The following DLGAP2 variants were observed in gnomAD, a reference collection of about 807,000 sequenced individuals.
DLGAP2 encodes the protein disks large-associated protein 2.
A neutral mutation model predicts 100.3 loss-of-function variants in DLGAP2; 26 were observed. That is an observed-to-expected ratio of 0.26 (90% CI 0.19 to 0.36). The LOEUF is 0.36. DLGAP2 is among the 10% of genes least tolerant of loss of function. DLGAP2 has a pLI of 1.00. For synonymous variants in DLGAP2, 886 were observed against 630.1 expected (o/e 1.41, Z -6.08); for missense variants, 1,858 against 1,453.2 (o/e 1.28, Z -4.53).
chr8:1,378,836 C>A (rs79779997), intron 3 of DLGAP2, among the ~76,000 whole-genome samples: 3,431 of 152,326 alleles, frequency 0.023, 67 homozygotes, highest in African/African-American at 0.047. Flanking sequence ...ATTCTCTTCT[C>A]TGAGGAGTCT....
chr8:1,093,208 AAAACACCTTCACACCAACAGCCAGACAG>A (rs1329448549), intron 2 of DLGAP2, among the ~76,000 whole-genome samples: 6 of 152,164 alleles, frequency 3.9e-5, no homozygotes, highest in African/African-American at 1.2e-4. Flanking sequence ...TCCCTTCTAA[AAAACACCTTCACACCAACAGCCAGACAG>A]AAACACCTTC....
At chr8:1,448,834 G>A (rs1798056799) in intron 3 of DLGAP2, among the ~76,000 whole-genome samples, 1 of 152,208 alleles carries the variant, frequency 6.6e-6, no homozygotes, top group Non-Finnish European at 1.5e-5. Context: ...GCCATGGAAA[G>A]ATTTGGAGAA....
rs535061393 is a variant in DLGAP2, at chr8:906,301, C to T, written c.19-1611C>T. On this transcript the variant is annotated intron_variant, in intron 1 of 14. Coordinates refer to ENST00000637795, the MANE Select transcript of DLGAP2 (RefSeq NM_001346810.2). ...TAGTTTAGGGAAGGATGTGGCGGAG[C>T]CTCCCTGTGGAAACGTGTGTCTCTG... 4.6e-5 allele frequency among the ~76,000 whole-genome samples: 7 copies of T among 152,330 alleles called. No homozygotes were observed. The South Asian group carries it at 1.5e-3, about 32-fold the overall frequency.
chr8:1,306,074 C>CAAAAAAAAAAAAAAAAAAAA (rs61647224), intron 3 of DLGAP2, among the ~76,000 whole-genome samples: 1 of 116,444 alleles, frequency 8.6e-6, no homozygotes, highest in African/African-American at 3.1e-5. Context: ...AGAAATTAGG[C>CAAAAAAAAAAAAAAAAAAAA]AAAAAAAAAA....
chr8:900,425 G>A (rs773936489), intron 1 of DLGAP2, among the ~76,000 whole-genome samples: 4 of 152,204 alleles, frequency 2.6e-5, no homozygotes, highest in South Asian at 4.1e-4. Context: ...CTGGAGCTCC[G>A]AGGCCCACAT....
chr8:1,002,899 G>A (rs573733846), intron 2 of DLGAP2: 2 of 152,296 alleles, frequency 1.3e-5, no homozygotes, highest in East Asian at 1.9e-4. Flanking sequence ...ATGTCCCAAC[G>A]ACTAGAACCA....
intron 3 of DLGAP2, among the ~76,000 whole-genome samples, chr8:1,476,993 C>G (rs1251942785): frequency 6.6e-6 from 1 of 152,232 alleles, no homozygotes; most frequent in African/African-American, 2.4e-5. Context: ...TTGTGTGACC[C>G]TCCAGGAACC....
chr8:1,686,757 A>G (rs376086310), intron 12 of DLGAP2, among the ~76,000 whole-genome samples: 188 of 152,330 alleles, frequency 1.2e-3, no homozygotes, highest in African/African-American at 4.2e-3. Context: ...AAGTTGATTC[A>G]TACTAATGGG....
At chr8:805,662 C>T (rs958882127) in intron 1 of DLGAP2, among the ~76,000 whole-genome samples, 1 of 152,118 alleles carries the variant, frequency 6.6e-6, no homozygotes, top group Non-Finnish European at 1.5e-5. Context: ...GGCTGGAGGG[C>T]AGTGGCACGA....
chr8:1,307,181 C>G (rs1429180793), intron 3 of DLGAP2, among the ~76,000 whole-genome samples: 14 of 77,760 alleles, frequency 1.8e-4, no homozygotes, highest in African/African-American at 1.3e-3. Context: ...ATTTAAATAA[C>G]TACAACAGCA....
At chr8:1,039,788 A>C (rs1360612094) in intron 2 of DLGAP2, among the ~76,000 whole-genome samples, 1 of 93,036 alleles carries the variant, frequency 1.1e-5, no homozygotes, top group African/African-American at 4.3e-5. Flanking sequence ...CTCGGTATGC[A>C]TGTTCAGCTC....
At chr8:896,613 T>G (rs1266759605) in intron 1 of DLGAP2, among the ~76,000 whole-genome samples, 2 of 151,734 alleles carry the variant, frequency 1.3e-5, no homozygotes, top group Non-Finnish European at 2.9e-5. Flanking sequence ...GTCACGAGGG[T>G]GGGGCCCCCA....
intron 2 of DLGAP2, among the ~76,000 whole-genome samples, chr8:1,192,104 C>G (rs1003527135): frequency 3.3e-5 from 5 of 152,112 alleles, no homozygotes; most frequent in Non-Finnish European, 7.3e-5. Context: ...CCTGCACTTT[C>G]TAGATGGCTT....
At chr8:1,351,746 G>A (rs1418006202) in intron 3 of DLGAP2, among the ~76,000 whole-genome samples, 1 of 71,114 alleles carries the variant, frequency 1.4e-5, no homozygotes, top group Non-Finnish European at 2.9e-5. Context: ...AAGGCCGTGC[G>A]GGTCCTGACT....
intron 3 of DLGAP2, among the ~76,000 whole-genome samples, chr8:1,423,700 C>T (rs575963130): frequency 1.3e-5 from 2 of 152,272 alleles, no homozygotes; most frequent in East Asian, 3.9e-4. Flanking sequence ...CTGCTAACAC[C>T]ATTGACAGAG....
chr8:943,958 T>A (rs956598370), intron 2 of DLGAP2, among the ~76,000 whole-genome samples: 1 of 152,260 alleles, frequency 6.6e-6, no homozygotes, highest in East Asian at 1.9e-4. Context: ...AGATCAATAG[T>A]GAAGACATCA....
intron 4 of DLGAP2, among the ~76,000 whole-genome samples, chr8:1,520,929 A>G (rs1250225493): frequency 6.6e-6 from 1 of 152,214 alleles, no homozygotes; most frequent in Non-Finnish European, 1.5e-5. Flanking sequence ...AGAAACCACG[A>G]AACTGTCTTC....
chr8:1,444,086 C>T (rs1257055600), intron 3 of DLGAP2, among the ~76,000 whole-genome samples: 1 of 151,960 alleles, frequency 6.6e-6, no homozygotes, highest in Non-Finnish European at 1.5e-5. Flanking sequence ...CTACACCTCC[C>T]TCTACCTTAA....
At chr8:1,267,623 T>TAAAA (rs57138660) in intron 3 of DLGAP2, among the ~76,000 whole-genome samples, 773 of 76,486 alleles carry the variant, frequency 0.01, 105 homozygotes, top group East Asian at 0.021. Context: ...TAAGATAAGA[T>TAAAA]AAATATTAAA....
Sources: allele counts gnomAD v4.1 joint callset (sites outside exome capture counted in the v4.1 genomes callset), GRCh38; gene constraint gnomAD v4.1.1; transcripts MANE v1.5; gene names NCBI Gene and HGNC (gene_info 2026-07-23, HGNC 2026-07-21).